The following CEP164 variants were observed in gnomAD, a reference collection of about 807,000 sequenced individuals.
CEP164 encodes the protein centrosomal protein of 164 kDa.
A neutral mutation model predicts 182.7 loss-of-function variants in CEP164; 162 were observed. The observed-to-expected ratio is 0.89, with a 90% confidence interval of 0.78 to 1.01. The LOEUF (loss-of-function observed/expected upper bound fraction) is 1.01. Among genes scored for constraint, CEP164 ranks in the 50% least tolerant of loss-of-function variants. The probability of loss-of-function intolerance (pLI) is 0.00; values close to 1 mark genes in which losing one functional copy is unlikely to be tolerated. For synonymous variants in CEP164, 661 were observed against 690.0 expected (o/e 0.96, Z 0.66); for missense variants, 1,735 against 1,790.4 (o/e 0.97, Z 0.56).
At chr11:117,408,754 G>A (rs2046990300) in intron 28 of CEP164, 136 bp from the exon 29 acceptor site, 1 of 1,121,602 alleles carries the variant, frequency 8.9e-7, no homozygotes, top group South Asian at 1.6e-5. Context: ...TCATGGATTT[G>A]CGTAAGAAAA....
chr11:117,331,253 C>T (rs1221869356), intron 1 of CEP164, among the ~76,000 whole-genome samples: 1 of 152,208 alleles, frequency 6.6e-6, no homozygotes, highest in Non-Finnish European at 1.5e-5. Flanking sequence ...AATACTTAGC[C>T]TACCTTAGCT....
At chr11:117,348,676 T>C (rs982979143) in intron 4 of CEP164, among the ~76,000 whole-genome samples, 3 of 152,164 alleles carry the variant, frequency 2.0e-5, no homozygotes, top group African/African-American at 7.2e-5. Flanking sequence ...CATTTTTGAG[T>C]GGACATTTCA....
intron 6 of CEP164, 144 bp downstream of exon 6, chr11:117,362,137 C>A (rs533975246): frequency 7.2e-5 from 61 of 846,980 alleles, no homozygotes; most frequent in Middle Eastern, 3.5e-4. Flanking sequence ...AAATGTAATT[C>A]GCACCTGTAT....
At chr11:117,343,373 C>T (rs921352515) in intron 3 of CEP164, among the ~76,000 whole-genome samples, 11 of 151,976 alleles carry the variant, frequency 7.2e-5, no homozygotes, top group African/African-American at 2.4e-4. Context: ...GTCTTCATTA[C>T]AGCACGTGTC....
At chr11:117,330,594 A>C (rs1467983226) in intron 1 of CEP164, among the ~76,000 whole-genome samples, 2 of 152,202 alleles carry the variant, frequency 1.3e-5, no homozygotes, top group African/African-American at 4.8e-5. Flanking sequence ...GGCTGCAGTG[A>C]GCAGAGATCG....
At chr11:117,410,249 A>G in intron 30 of CEP164, 1 of 566,946 alleles carries the variant, frequency 1.8e-6, no homozygotes, top group Non-Finnish European at 3.2e-6. Flanking sequence ...TGGATTCTGG[A>G]GCTCAGTAGA....
In CEP164 at chr11:117,387,404, A is replaced by G. The variant is rs374893638; in HGVS notation, c.1926A>G (p.Gln642=). ...EILRLHQQKE[Q]SLSSLRERLQ... ...TCCGGCTTCACCAGCAGAAAGAGCA[A>G]TCTCTCAGGTCCTGCCCTTCCCCTT... Residue 642 remains glutamine, a synonymous_variant, in exon 15 of 33, where the codon CAA becomes CAG. Transcript: ENST00000278935. 1.9e-6 allele frequency: 3 copies of G among 1,613,910 alleles called. No individual in the cohort carries two copies. The highest frequency in any genetic ancestry group is 2.7e-5 in the African/African-American group (2 of 74,910).
chr11:117,347,745 A>G (rs1009055631), intron 4 of CEP164, among the ~76,000 whole-genome samples: 1 of 151,806 alleles, frequency 6.6e-6, no homozygotes, highest in Non-Finnish European at 1.5e-5. Flanking sequence ...TCAGTTTCCT[A>G]TTAGGATTTT....
At chr11:117,329,029 G>A (rs1359867078) in intron 1 of CEP164, among the ~76,000 whole-genome samples, 1 of 152,206 alleles carries the variant, frequency 6.6e-6, no homozygotes, top group Non-Finnish European at 1.5e-5. Flanking sequence ...AACTTCCTAA[G>A]TGGTCTCTCT....
At chr11:117,349,693 T>G (rs1262182327) in intron 4 of CEP164, among the ~76,000 whole-genome samples, 1 of 152,200 alleles carries the variant, frequency 6.6e-6, no homozygotes, top group East Asian at 1.9e-4. Flanking sequence ...ATTTTATATT[T>G]AAGTTAAATT....
chr11:117,390,565 G>A (rs2044510004), intron 15 of CEP164, among the ~76,000 whole-genome samples: 1 of 151,298 alleles, frequency 6.6e-6, no homozygotes, highest in African/African-American at 2.4e-5. Context: ...AAGCCCAGGA[G>A]TTTAAGGCTG....
At position 117,393,156 on chromosome 11, in the gene CEP164, C is replaced by T. The variant is rs367721643; in HGVS notation, c.2616+30C>T. ...CTCAGCCACATCCCCTGCGCGCATG[C>T]ACACACATGCACACACACATGCACG... On this transcript the variant is annotated intron_variant, in intron 20 of 32. Transcript: ENST00000278935. The T allele has an allele frequency of 5.6e-6, 9 of 1,602,860 alleles. No homozygotes were observed. In the African/African-American group the frequency reaches 6.7e-5, roughly 12 times the overall value.
chr11:117,374,901 GGT>G (rs1023737717), intron 10 of CEP164, among the ~76,000 whole-genome samples: 2 of 152,182 alleles, frequency 1.3e-5, no homozygotes, highest in African/African-American at 4.8e-5. Context: ...CATGCTGTTG[GGT>G]AGCAGTCCTT....
intron 5 of CEP164, chr11:117,356,441 T>G (rs911474159): frequency 3.2e-6 from 4 of 1,256,106 alleles, no homozygotes; most frequent in Admixed American, 5.1e-5. Context: ...GTTTCTGTCA[T>G]GGGAGCCAGA....
intron 5 of CEP164, among the ~76,000 whole-genome samples, chr11:117,357,002 A>G (rs566018497): frequency 6.6e-6 from 1 of 152,310 alleles, no homozygotes; most frequent in East Asian, 1.9e-4. Context: ...TTCTAGAGAG[A>G]GGTCCTTCCT....
rs1291388999 is a variant in CEP164 at position 117,387,157 on chromosome 11, G to A, written c.1725-46G>A. On this transcript the variant is annotated intron_variant, in intron 14 of 32. Coordinates refer to ENST00000278935, the MANE Select transcript of CEP164 (RefSeq NM_014956.5). ...CATTCTAACCTGGATGCAGAGGTGGGTGGACATTAACCCTGTGATGATATG... is the reference window on the plus strand; with the variant it reads ...CATTCTAACCTGGATGCAGAGGTGGATGGACATTAACCCTGTGATGATATG... 3.3e-6 allele frequency: 5 copies of A among 1,526,724 alleles called. No homozygotes were observed. The South Asian group carries it at 4.5e-5, about 14-fold the overall frequency. 94.6% of individuals were successfully genotyped at this position (1,526,724 alleles called of 1,614,324 possible). A position where few individuals can be genotyped will look rare whatever the true frequency, so the allele number is the denominator to read the frequency against.
intron 27 of CEP164, among the ~76,000 whole-genome samples, chr11:117,402,458 A>T (rs1283854825): frequency 6.6e-6 from 1 of 151,942 alleles, no homozygotes; most frequent in Non-Finnish European, 1.5e-5. Context: ...TGACCTCATG[A>T]TCCTCCTGGC....
At chr11:117,375,619 T>C in intron 10 of CEP164, 89 bp from the exon 11 acceptor site, 1 of 1,005,580 alleles carries the variant, frequency 9.9e-7, no homozygotes, top group Non-Finnish European at 1.6e-6. Flanking sequence ...GACATCTTTC[T>C]GGAAAGTGGA....
intron 28 of CEP164, 106 bp downstream of exon 28, chr11:117,408,138 G>T: frequency 2.6e-6 from 2 of 774,160 alleles, no homozygotes; most frequent in Non-Finnish European, 4.2e-6. Context: ...TGGGCCTCTA[G>T]GGCCCAGGAT....
Sources: gnomAD v4.1 joint callset for allele counts (sites outside exome capture counted in the v4.1 genomes callset) on GRCh38, gnomAD v4.1.1 for gene constraint, MANE v1.5 for transcripts, NCBI Gene and HGNC (gene_info 2026-07-23, HGNC 2026-07-21) for gene names.